Variants in PKP4 observed in about 807,000 individuals in gnomAD.
The protein encoded by PKP4 is plakophilin-4.
PKP4 carries 90 observed loss-of-function variants against 145.1 expected under a neutral mutation model. That is an observed-to-expected ratio of 0.62 (90% CI 0.52 to 0.74). PKP4 has a LOEUF of 0.74. PKP4 is among the 30% of genes least tolerant of loss of function. The pLI is 0.00. For missense variants in PKP4, 1,340 were observed against 1,482.7 expected (o/e 0.90, Z 1.58); for synonymous variants, 563 against 577.2 (o/e 0.98, Z 0.35).
intron 3 of PKP4, among the ~76,000 whole-genome samples, chr2:158,579,390 C>G (rs946396543): frequency 6.6e-5 from 10 of 150,724 alleles, no homozygotes; most frequent in African/African-American, 2.5e-4. Flanking sequence ...GTAGGAAGGA[C>G]AGTTTCACAC....
At chr2:158,579,619 G>C (rs1450758759) in intron 3 of PKP4, among the ~76,000 whole-genome samples, 1 of 152,018 alleles carries the variant, frequency 6.6e-6, no homozygotes, top group African/African-American at 2.4e-5. Context: ...AGCACCATTT[G>C]CAAAAGTAAA....
chr2:158,637,690 C>T (rs1200628364), intron 9 of PKP4, among the ~76,000 whole-genome samples: 9 of 152,112 alleles, frequency 5.9e-5, no homozygotes, highest in Non-Finnish European at 1.3e-4. Flanking sequence ...TGCCTGTTTT[C>T]GAGGGTCTAA....
At chr2:158,486,837 G>A (rs76747899) in intron 1 of PKP4, among the ~76,000 whole-genome samples, 7,147 of 152,272 alleles carry the variant, frequency 0.047, 385 homozygotes, top group Admixed American at 0.16. Flanking sequence ...GCAGCTTGAG[G>A]CTGAATTGTA....
chr2:158,680,825 TATCAG>T lies in PKP4; in HGVS notation c.*149_*153del, dbSNP rs893916527. 1.4e-6 allele frequency: 1 copy of T among 725,252 alleles called. No homozygotes were observed. Among genetic ancestry groups the T allele is most frequent in the African/African-American group, 1.8e-5 (1 of 56,820 alleles). The allele number at this position is 725,252 out of a possible 1,614,324, so 44.9% of individuals were successfully genotyped here. A position where few individuals can be genotyped will look rare whatever the true frequency, so the allele number is the denominator to read the frequency against. On this transcript the variant is annotated 3_prime_UTR_variant, in exon 22 of 22. Transcript: ENST00000389759. ...GTTTTTTTTTTCTTTTTTGAGGAAT[TATCAG>T]GGAAGTGAGGAAATGTTTGGGAGAG... is the stretch of plus-strand genomic sequence containing the variant.
intron 1 of PKP4, among the ~76,000 whole-genome samples, chr2:158,459,913 AGAGT>A (rs1184630581): frequency 6.6e-6 from 1 of 152,146 alleles, no homozygotes; most frequent in Non-Finnish European, 1.5e-5. Context: ...AGATATTCAA[AGAGT>A]GGAAGTTTTT....
chr2:158,527,950 C>A (rs1340452324), intron 1 of PKP4, among the ~76,000 whole-genome samples: 1 of 28,934 alleles, frequency 3.5e-5, no homozygotes, highest in African/African-American at 9.7e-5. Context: ...CCATCTCACA[C>A]CAGTTAGAAT....
At chr2:158,650,606 C>G (rs1161631957) in intron 11 of PKP4, among the ~76,000 whole-genome samples, 2 of 152,154 alleles carry the variant, frequency 1.3e-5, no homozygotes, top group African/African-American at 4.8e-5. Flanking sequence ...GGCTGGGGCC[C>G]CTGTGTGCAG....
At chr2:158,498,037 C>CA (rs1176861407) in intron 1 of PKP4, among the ~76,000 whole-genome samples, 2 of 152,174 alleles carry the variant, frequency 1.3e-5, no homozygotes, top group African/African-American at 4.8e-5. Context: ...GGGAAAAACT[C>CA]AAGTCTTGTT....
intron 19 of PKP4, 46 bp downstream of exon 19, chr2:158,674,046 G>C (rs556376353): frequency 1.8e-5 from 18 of 1,028,378 alleles, no homozygotes; most frequent in African/African-American, 1.3e-4. Context: ...TTGTGTGACA[G>C]AACATTGTTC....
intron 4 of PKP4, among the ~76,000 whole-genome samples, chr2:158,605,754 C>T (rs1192911507): frequency 6.6e-6 from 1 of 152,124 alleles, no homozygotes; most frequent in African/African-American, 2.4e-5. Flanking sequence ...TTTCATCACC[C>T]CTAAAAGAAA....
chr2:158,486,209 A>T (rs1694148045), intron 1 of PKP4, among the ~76,000 whole-genome samples: 1 of 152,172 alleles, frequency 6.6e-6, no homozygotes, highest in South Asian at 2.1e-4. Flanking sequence ...TCCTATGTGA[A>T]TATATGTGGA....
At chr2:158,623,478 C>T (rs1438566273) in intron 6 of PKP4, among the ~76,000 whole-genome samples, 1 of 152,100 alleles carries the variant, frequency 6.6e-6, no homozygotes, top group Non-Finnish European at 1.5e-5. Context: ...CCACCACACC[C>T]AGCCCCAATC....
chr2:158,565,490 A>T (rs1192327961), intron 2 of PKP4, among the ~76,000 whole-genome samples: 1 of 145,310 alleles, frequency 6.9e-6, no homozygotes, highest in Non-Finnish European at 1.5e-5. Flanking sequence ...GTAAGAAGTA[A>T]CATTACTTGT....
At chr2:158,479,898 A>G (rs539367984) in intron 1 of PKP4, among the ~76,000 whole-genome samples, 177 of 152,342 alleles carry the variant, frequency 1.2e-3, no homozygotes, top group African/African-American at 4.0e-3. Flanking sequence ...GGGCTTGCCC[A>G]TAAACTGGTT....
intron 2 of PKP4, among the ~76,000 whole-genome samples, chr2:158,570,887 T>C (rs1430193360): frequency 6.6e-6 from 1 of 152,164 alleles, no homozygotes. Flanking sequence ...AGGAGTCCTA[T>C]AATCAACAAG....
Position 158,516,815 on chromosome 2 carries a change from C to G in PKP4, c.-5-16365C>G, listed in dbSNP as rs774929997. Among the ~76,000 whole-genome samples the G allele has an allele frequency of 3.0e-4, 45 of 151,870 alleles. 1 individual carries two copies. The highest frequency in any genetic ancestry group is 2.9e-5 in the Non-Finnish European group (2 of 67,974). On this transcript the variant is annotated intron_variant, in intron 1 of 21. Coordinates refer to ENST00000389759, the MANE Select transcript of PKP4 (RefSeq NM_003628.6). ...GCTGGGGGATTACAGGCACTTGCCA[C>G]CATGCCTGGCTAATTTTTTGTATTT... is the stretch of plus-strand genomic sequence containing the variant.
intron 11 of PKP4, among the ~76,000 whole-genome samples, chr2:158,655,430 C>T (rs1056024980): frequency 6.6e-6 from 1 of 152,144 alleles, no homozygotes; most frequent in Non-Finnish European, 1.5e-5. Context: ...GTTTTTCTGA[C>T]TGCAATCAGA....
At chr2:158,545,040 G>A (rs2044860359) in intron 2 of PKP4, among the ~76,000 whole-genome samples, 1 of 134,276 alleles carries the variant, frequency 7.4e-6, no homozygotes, top group African/African-American at 2.8e-5. Context: ...AGTCCAAAGT[G>A]TAAAAGAGAG....
rs760992034 is a variant in PKP4, at chr2:158,663,052, GAAGAAA to G, written c.2378_2383del (p.Lys793_Lys794del). 6.2e-7 allele frequency: 1 copy of G among 1,610,120 alleles called. No homozygotes were observed. Among genetic ancestry groups the G allele is most frequent in the African/African-American group, 1.3e-5 (1 of 74,476 alleles). On this transcript the variant is annotated inframe_deletion, in exon 14 of 22. Coordinates refer to ENST00000389759, the MANE Select transcript of PKP4 (RefSeq NM_003628.6). ...CTGAGCCAAGTTGCTGGGGGAAGAA[GAAGAAA>G]AAGAAAAAGAGGACTCCGCAAGAAG...
Sources: gnomAD v4.1 joint callset for allele counts (sites outside exome capture counted in the v4.1 genomes callset) on GRCh38, gnomAD v4.1.1 for gene constraint, MANE v1.5 for transcripts, NCBI Gene and HGNC (gene_info 2026-07-23, HGNC 2026-07-21) for gene names.